The following FOXN3 variants were observed in gnomAD, a reference collection of about 807,000 sequenced individuals.
FOXN3 encodes forkhead box protein N3.
Under a neutral mutation model 38.4 loss-of-function variants are expected in FOXN3, and 7 were observed. The observed-to-expected ratio is 0.18, with a 90% CI of 0.10 to 0.34. The LOEUF (loss-of-function observed/expected upper bound fraction) is 0.34. FOXN3 is among the 10% of genes least tolerant of loss of function. The pLI is 1.00. For missense variants in FOXN3, 456 were observed against 613.4 expected (o/e 0.74, Z 2.71); for synonymous variants, 230 against 242.2 (o/e 0.95, Z 0.47).
Position 89,209,268 on chromosome 14 carries a change from C to A in FOXN3, c.746-28462G>T, listed in dbSNP as rs373073907. Among the ~76,000 whole-genome samples, 50 of 152,352 alleles carry A rather than the reference C, an allele frequency of 3.3e-4. 1 individual carries two copies. The South Asian group carries it at 0.01, about 31-fold the overall frequency. ...CCCAGGCAGCTAATCTGTGCCTCTC[C>A]CATTCCTTTACGTATTAGGAGCTTC... is the stretch of plus-strand genomic sequence containing the variant. On this transcript the variant is annotated intron_variant, in intron 4 of 5. Transcript: ENST00000557258.
intron 1 of FOXN3, among the ~76,000 whole-genome samples, chr14:89,592,828 A>G (rs1040758074): frequency 6.6e-6 from 1 of 152,226 alleles, no homozygotes; most frequent in South Asian, 2.1e-4. Flanking sequence ...CAGGTGAAAA[A>G]TAAGTCCCTG....
At chr14:89,569,082 A>G (rs141454115) in intron 1 of FOXN3, among the ~76,000 whole-genome samples, 1,800 of 152,228 alleles carry the variant, frequency 0.012, 31 homozygotes, top group African/African-American at 0.041. Context: ...GCGGGTGCCT[A>G]TAGTCCCAGC....
rs1566681389 is a variant in FOXN3, at chr14:89,511,268, TTTC to T, written c.-14-98781_-14-98779del. Among the ~76,000 whole-genome samples, 113 of 34,284 alleles carry T rather than the reference TTTC, an allele frequency of 3.3e-3. 24 individuals are homozygous for T. The highest frequency in any genetic ancestry group is 7.6e-3 in the African/African-American group (105 of 13,844). 22.5% of individuals were successfully genotyped at this position (34,284 alleles called of 152,430 possible). ...TTTCTTTTCTTTCTTTCTTTCTTTC[TTTC>T]TTTCTTTCTTTCTTTCTTTCTTTCT... On this transcript the variant is annotated intron_variant, in intron 1 of 6. Coordinates refer to the FOXN3 transcript ENST00000345097.
At chr14:89,289,584 G>A (rs903776668) in intron 3 of FOXN3, among the ~76,000 whole-genome samples, 3 of 152,168 alleles carry the variant, frequency 2.0e-5, no homozygotes, top group Non-Finnish European at 4.4e-5. Flanking sequence ...ATACATATAA[G>A]ATGAATAATT....
At chr14:89,544,927 C>T (rs1252246104) in intron 1 of FOXN3, among the ~76,000 whole-genome samples, 1 of 152,206 alleles carries the variant, frequency 6.6e-6, no homozygotes. Flanking sequence ...TTAATATTTT[C>T]AAGCTGCAGT....
rs906256329 is a variant in FOXN3, at chr14:89,590,493, G to C, written c.-15+28535C>G. Among the ~76,000 whole-genome samples, 4 of 152,130 alleles carry C rather than the reference G, an allele frequency of 2.6e-5. No homozygotes were observed. The South Asian group carries it at 6.2e-4, about 24-fold the overall frequency. ...ATTCACCCCACTGAATCCTAAGAAG[G>C]CTCAGGAATCAGAGGCATCAGATAC... On this transcript the variant is annotated intron_variant, in intron 1 of 6. Coordinates refer to the FOXN3 transcript ENST00000345097.
rs572419195 is a variant in FOXN3 at position 89,309,224 on chromosome 14, G to A, written c.681-28210C>T. ...GTTAAGTGTGATGGCTGGACTTGGC[G>A]CACCCTGCAGCCACTTTGGATTAAT... On this transcript the variant is annotated intron_variant, in intron 3 of 5. Coordinates refer to ENST00000557258, the MANE Select transcript of FOXN3 (RefSeq NM_005197.4). Among the ~76,000 whole-genome samples the A allele has an allele frequency of 5.3e-5, 8 of 152,164 alleles. No homozygotes were observed. The South Asian group carries it at 8.3e-4, about 16-fold the overall frequency.
chr14:89,359,549 G>A (rs1423197835), intron 2 of FOXN3, among the ~76,000 whole-genome samples: 1 of 152,170 alleles, frequency 6.6e-6, no homozygotes, highest in Admixed American at 6.5e-5. Flanking sequence ...AGATAGAGGT[G>A]GAAATGGAAG....
chr14:89,209,410 C>T (rs1037994486), intron 4 of FOXN3, among the ~76,000 whole-genome samples: 12 of 152,216 alleles, frequency 7.9e-5, no homozygotes, highest in African/African-American at 2.7e-4. Flanking sequence ...TATTGGAGCA[C>T]CAGCTAATTC....
chr14:89,270,013 G>T (rs942614628), intron 4 of FOXN3, among the ~76,000 whole-genome samples: 1 of 152,108 alleles, frequency 6.6e-6, no homozygotes, highest in African/African-American at 2.4e-5. Context: ...TGATTGATTC[G>T]CTGTGCTAAG....
intron 1 of FOXN3, among the ~76,000 whole-genome samples, chr14:89,614,915 C>G (rs1566718921): frequency 6.6e-6 from 1 of 152,182 alleles, no homozygotes; most frequent in Admixed American, 6.5e-5. Flanking sequence ...GAGGCGGATG[C>G]ATTTATTTTC....
intron 3 of FOXN3, among the ~76,000 whole-genome samples, chr14:89,330,683 T>C (rs1888222444): frequency 1.3e-5 from 2 of 152,194 alleles, no homozygotes; most frequent in African/African-American, 2.4e-5. Flanking sequence ...CAAAAGCAAA[T>C]TGTGGGTTTA....
intron 1 of FOXN3, among the ~76,000 whole-genome samples, chr14:89,583,449 T>C (rs1303451270): frequency 2.0e-5 from 3 of 152,230 alleles, no homozygotes; most frequent in Non-Finnish European, 2.9e-5. Flanking sequence ...CCTTCTGCCA[T>C]GGAAGGATGC....
In FOXN3 at chr14:89,545,514, G is replaced by C. The variant is rs10133299; in HGVS notation, c.-15+73514C>G. On this transcript the variant is annotated intron_variant, in intron 1 of 6. Coordinates refer to the FOXN3 transcript ENST00000345097. ...GCATGTCCCATTCGTGGCCTCCCCA[G>C]CTCCCAGTCCATTACACATCCATTA... 5.9e-5 allele frequency among the ~76,000 whole-genome samples: 9 copies of C among 152,196 alleles called. No homozygotes were observed. In the South Asian group the frequency reaches 1.9e-3, roughly 32 times the overall value.
chr14:89,251,145 C>T (rs974134078), intron 4 of FOXN3, among the ~76,000 whole-genome samples: 2 of 152,292 alleles, frequency 1.3e-5, no homozygotes, highest in Middle Eastern at 3.4e-3. Context: ...TAACAAAATG[C>T]CCCTACTTGT....
intron 4 of FOXN3, among the ~76,000 whole-genome samples, chr14:89,275,142 C>A (rs539500036): frequency 9.2e-5 from 14 of 152,312 alleles, no homozygotes; most frequent in South Asian, 4.1e-4. Context: ...GAAACCAACA[C>A]AGGGTTCACT....
At chr14:89,267,572 T>C (rs1213125539) in intron 4 of FOXN3, among the ~76,000 whole-genome samples, 1 of 152,182 alleles carries the variant, frequency 6.6e-6, no homozygotes, top group East Asian at 1.9e-4. Flanking sequence ...AAAATAATAA[T>C]AATCACATCT....
chr14:89,354,504 GGC>G (rs1328231473), intron 2 of FOXN3, among the ~76,000 whole-genome samples: 4 of 148,576 alleles, frequency 2.7e-5, no homozygotes, highest in Non-Finnish European at 4.5e-5. Flanking sequence ...TGGGATTACA[GGC>G]GTGAGCCACT....
chr14:89,252,689 A>G (rs1301837799), intron 4 of FOXN3, among the ~76,000 whole-genome samples: 1 of 152,046 alleles, frequency 6.6e-6, no homozygotes, highest in Non-Finnish European at 1.5e-5. Flanking sequence ...GAAATTTTAC[A>G]TAAATATCTC....
Sources: gnomAD v4.1 joint callset for allele counts (sites outside exome capture counted in the v4.1 genomes callset) on GRCh38, gnomAD v4.1.1 for gene constraint, MANE v1.5 for transcripts, NCBI Gene and HGNC (gene_info 2026-07-23, HGNC 2026-07-21) for gene names.